INTU: variants seen among roughly 807,000 people sequenced by gnomAD.
The protein encoded by INTU is inturned planar cell polarity protein.
Under a neutral mutation model 100.5 loss-of-function variants are expected in INTU, and 68 were observed. That is an observed-to-expected ratio of 0.68 (90% confidence interval 0.56 to 0.83). The LOEUF (loss-of-function observed/expected upper bound fraction) is 0.83. Among genes scored for constraint, INTU ranks in the 40% least tolerant of loss-of-function variants. INTU has a pLI of 0.00. For missense variants in INTU, 1,071 were observed against 1,114.7 expected (o/e 0.96, Z 0.56); for synonymous variants, 357 against 395.7 (o/e 0.90, Z 1.16).
chr4:127,685,129 AAT>A (rs1323446070), intron 7 of INTU, among the ~76,000 whole-genome samples: 2 of 152,086 alleles, frequency 1.3e-5, no homozygotes, highest in Non-Finnish European at 2.9e-5. Context: ...ATACAATAAA[AAT>A]ATACATACTC....
At chr4:127,679,910 G>T (rs538906821) in intron 6 of INTU, among the ~76,000 whole-genome samples, 1 of 152,216 alleles carries the variant, frequency 6.6e-6, no homozygotes, top group South Asian at 2.1e-4. Context: ...AATAAAAAAT[G>T]ATAAAGGAGA....
chr4:127,707,490 T>A (rs2148733383), intron 12 of INTU, among the ~76,000 whole-genome samples: 1 of 151,830 alleles, frequency 6.6e-6, no homozygotes, highest in East Asian at 1.9e-4. Context: ...ATAGGAAAAC[T>A]TTAATCTCAA....
intron 2 of INTU, among the ~76,000 whole-genome samples, chr4:127,652,034 G>A (rs1046747471): frequency 1.3e-4 from 19 of 144,996 alleles, no homozygotes; most frequent in South Asian, 6.9e-4. Flanking sequence ...TGTTATTGGT[G>A]TATAAGAATG....
intron 15 of INTU, 104 bp downstream of exon 15, chr4:127,714,197 T>A: frequency 1.3e-6 from 1 of 797,016 alleles, no homozygotes; most frequent in Non-Finnish European, 2.0e-6. Context: ...ATTTTTTATC[T>A]AGCTATACTA....
Position 127,687,782 on chromosome 4 carries a change from G to C in INTU, c.1364G>C (p.Ser455Thr), listed in dbSNP as rs758590069. The C allele has an allele frequency of 6.2e-7, 1 of 1,613,598 alleles. No individual in the cohort carries two copies. ...PAKLHSSASP[S>T]AQQYDASSAV... ...AAACTGCATTCCAGCGCCAGTCCCA[G>C]TGCTCAGCAGTACGATGCTTCCAGT... is the stretch of plus-strand genomic sequence containing the variant. The change falls in exon 8 of 16, where the codon AGT becomes ACT. Residue 455 changes from serine to threonine, a missense_variant. Ser to Thr is a moderately conservative substitution (Grantham distance 58). Transcript: ENST00000335251.
intron 15 of INTU, among the ~76,000 whole-genome samples, chr4:127,715,204 G>A (rs1297642323): frequency 6.6e-6 from 1 of 152,146 alleles, no homozygotes; most frequent in Non-Finnish European, 1.5e-5. Context: ...GATGGTAGAG[G>A]AATGGCATAT....
At chr4:127,662,617 A>G (rs778034837) in intron 3 of INTU, among the ~76,000 whole-genome samples, 34 of 152,108 alleles carry the variant, frequency 2.2e-4, no homozygotes, top group Non-Finnish European at 4.0e-4. Flanking sequence ...ATCTCCTAAG[A>G]ATAAGGGCAT....
At chr4:127,638,940 A>G (rs938512317) in intron 1 of INTU, among the ~76,000 whole-genome samples, 1 of 152,186 alleles carries the variant, frequency 6.6e-6, no homozygotes, top group Admixed American at 6.5e-5. Context: ...ATGTACTACA[A>G]AGATCTGAAT....
chr4:127,696,964 G>C (rs1465557567), intron 8 of INTU, among the ~76,000 whole-genome samples: 1 of 152,054 alleles, frequency 6.6e-6, no homozygotes, highest in African/African-American at 2.4e-5. Flanking sequence ...AAACCTCACT[G>C]TTTTAGACCA....
chr4:127,633,092 C>T lies in INTU; in HGVS notation c.58C>T (p.Pro20Ser), dbSNP rs747779931. The T allele has an allele frequency of 3.1e-6, 5 of 1,613,796 alleles. No individual in the cohort carries two copies. The South Asian group carries it at 3.3e-5, about 11-fold the overall frequency. The stretch of plus-strand genomic sequence containing the variant: ...GAGCTCAGACGAGCTCCCTGGAGAC[C>T]CCTCTTCACAAGAAGAAGATGAGGA... The part of the protein sequence containing the change: ...RPSSDELPGD[P>S]SSQEEDEDYD... The change falls in exon 1 of 16, where the codon CCC (proline) becomes TCC (serine). Residue 20 changes from proline to serine, a missense_variant. Coordinates refer to ENST00000335251, the MANE Select transcript of INTU (RefSeq NM_015693.4).
At chr4:127,681,079 A>G (rs1729517919) in intron 6 of INTU, among the ~76,000 whole-genome samples, 1 of 152,004 alleles carries the variant, frequency 6.6e-6, no homozygotes, top group Non-Finnish European at 1.5e-5. Context: ...AGAACTACAA[A>G]CCACTGCTCA....
At chr4:127,713,869 C>T in intron 14 of INTU, 67 bp from the exon 15 acceptor site, 1 of 1,169,058 alleles carries the variant, frequency 8.6e-7, no homozygotes, top group Non-Finnish European at 1.2e-6. Context: ...TCAGATTACT[C>T]TGTGAAAACA....
intron 3 of INTU, among the ~76,000 whole-genome samples, chr4:127,657,567 G>A (rs1728291108): frequency 6.6e-6 from 1 of 152,124 alleles, no homozygotes. Flanking sequence ...TGTATTTACA[G>A]CTGCTCCCCA....
chr4:127,718,599 A>T lies in INTU; in HGVS notation c.*2163A>T, dbSNP rs1731302946. The T allele has an allele frequency of 1.3e-5, 2 of 152,288 alleles. No homozygotes were observed. Among genetic ancestry groups the T allele is most frequent in the East Asian group, 3.9e-4 (2 of 5,184 alleles). 9.4% of individuals were successfully genotyped at this position (152,288 alleles called of 1,614,324 possible). On this transcript the variant is annotated 3_prime_UTR_variant, in exon 16 of 16. Transcript: ENST00000335251. ...CAGTATGGCTATTTTCATGATATTG[A>T]TTCTTACTGTCTGTGAGCATGGAAT...
chr4:127,687,524 C>A (rs942052987), intron 7 of INTU, 154 bp from the exon 8 acceptor site: 1 of 569,790 alleles, frequency 1.8e-6, no homozygotes, highest in South Asian at 2.9e-5. Flanking sequence ...TTACACAATC[C>A]GTCAGTAACA....
intron 9 of INTU, among the ~76,000 whole-genome samples, chr4:127,701,686 G>T (rs1730656683): frequency 6.6e-6 from 1 of 151,844 alleles, no homozygotes; most frequent in South Asian, 2.1e-4. Context: ...CCATGGACTG[G>T]TCATAGTTAA....
chr4:127,691,956 T>C (rs1730147565), intron 8 of INTU, among the ~76,000 whole-genome samples: 1 of 56,256 alleles, frequency 1.8e-5, no homozygotes, highest in Non-Finnish European at 3.7e-5. Flanking sequence ...TAGTGTTCCA[T>C]GGTATGTATA....
chr4:127,637,367 T>A (rs1321856104), intron 1 of INTU, among the ~76,000 whole-genome samples: 1 of 152,224 alleles, frequency 6.6e-6, no homozygotes, highest in East Asian at 1.9e-4. Flanking sequence ...TTTTTAAATT[T>A]TAGATCTGTC....
chr4:127,675,620 G>A (rs1202124633), intron 6 of INTU, among the ~76,000 whole-genome samples: 2 of 152,192 alleles, frequency 1.3e-5, no homozygotes, highest in African/African-American at 4.8e-5. Flanking sequence ...ACAGTCCAGT[G>A]TTGGCCAGGG....
Sources: allele counts gnomAD v4.1 joint callset (sites outside exome capture counted in the v4.1 genomes callset), GRCh38; gene constraint gnomAD v4.1.1; transcripts MANE v1.5; gene names NCBI Gene and HGNC (gene_info 2026-07-23, HGNC 2026-07-21).